The following SGCD variants were observed in gnomAD, a reference collection of about 807,000 sequenced individuals.
SGCD encodes the protein delta-sarcoglycan.
In SGCD, 18 loss-of-function variants were observed where a neutral mutation model predicts 36.6. The observed-to-expected ratio is 0.49, with a 90% confidence interval of 0.34 to 0.73. SGCD has a LOEUF of 0.73. Ranked by LOEUF, SGCD falls within the 30% of genes least tolerant of loss-of-function variation. The probability of loss-of-function intolerance (pLI) is 0.01; values close to 1 mark genes in which losing one functional copy is unlikely to be tolerated. For missense variants in SGCD, 387 were observed against 346.7 expected, an observed-to-expected ratio of 1.12 and a Z score of -0.92; for synonymous variants, 133 against 130.6, an observed-to-expected ratio of 1.02 and a Z score of -0.12.
intron 1 of SGCD, among the ~76,000 whole-genome samples, chr5:156,084,669 C>T (rs986653507): frequency 7.2e-5 from 11 of 152,110 alleles, no homozygotes; most frequent in African/African-American, 1.9e-4. Flanking sequence ...TCTTTCTCTT[C>T]GTTATGTCTG....
intron 7 of SGCD, chr5:156,739,817 C>T (rs574038961): frequency 6.6e-6 from 1 of 152,230 alleles, no homozygotes; most frequent in South Asian, 2.1e-4. Flanking sequence ...TGGTCTTGGC[C>T]ACAATGTTTG....
intron 1 of SGCD, among the ~76,000 whole-genome samples, chr5:156,044,207 A>G (rs529686903): frequency 1.1e-4 from 16 of 152,308 alleles, no homozygotes; most frequent in African/African-American, 3.1e-4. Context: ...AGAATGTAAC[A>G]TTTCAGGTAG....
intron 3 of SGCD, among the ~76,000 whole-genome samples, chr5:156,405,194 G>A (rs879252600): frequency 1.3e-5 from 2 of 152,266 alleles, no homozygotes; most frequent in Non-Finnish European, 2.9e-5. Context: ...AAGAGCCTCC[G>A]ACCTGGGGCA....
At chr5:156,102,750 T>C (rs1761549527) in intron 1 of SGCD, among the ~76,000 whole-genome samples, 1 of 152,226 alleles carries the variant, frequency 6.6e-6, no homozygotes, top group African/African-American at 2.4e-5. Context: ...TTATAGTTTA[T>C]ATAGGGTATT....
At position 156,656,423 on chromosome 5, in the gene SGCD, G is replaced by A. The variant is rs1031875075; in HGVS notation, c.575+8887G>A. ...GGTAAAGTTGCCCAAAGGAGATGGC[G>A]TTTTGATTGAAAGAAGAGAGAAGAG... On this transcript the variant is annotated intron_variant, in intron 7 of 8. Transcript: ENST00000337851. Among the ~76,000 whole-genome samples, 50 of 152,038 alleles carry A rather than the reference G, an allele frequency of 3.3e-4. 1 individual carries two copies. The highest frequency in any genetic ancestry group is 4.1e-4 in the South Asian group (2 of 4,820).
chr5:155,849,779 AAT>A, the SGCD span, among the ~76,000 whole-genome samples: 8 of 152,324 alleles, frequency 5.3e-5, no homozygotes, highest in Admixed American at 3.9e-4. Context: ...TAGATGTATT[AAT>A]AGACACCCCA....
chr5:156,149,333 A>G (rs1762778997), intron 3 of SGCD, among the ~76,000 whole-genome samples: 2 of 152,212 alleles, frequency 1.3e-5, no homozygotes, highest in South Asian at 4.1e-4. Context: ...CTATTGTGCT[A>G]TCAAATACTG....
intron 2 of SGCD, among the ~76,000 whole-genome samples, chr5:156,334,613 T>TTTTC (rs967976008): frequency 6.7e-6 from 1 of 148,786 alleles, no homozygotes; most frequent in Non-Finnish European, 1.5e-5. Flanking sequence ...TATTTTCTTT[T>TTTTC]TTTTTTTTTT....
intron 3 of SGCD, among the ~76,000 whole-genome samples, chr5:156,178,619 G>A (rs6860981): frequency 0.29 from 44,674 of 151,898 alleles, 7,004 homozygotes; most frequent in East Asian, 0.57. Context: ...TCTATAGAAC[G>A]ATGGCATTCT....
At position 156,484,601 on chromosome 5, in the gene SGCD, A is replaced by G. The variant is rs541776381; in HGVS notation, c.193-24000A>G. On this transcript the variant is annotated intron_variant, in intron 3 of 8. Coordinates refer to ENST00000337851, the MANE Select transcript of SGCD (RefSeq NM_000337.6). ...AACTGTACATTTTTTCAAGCTGTTC[A>G]TATTCCCCTCTTATCCGGATACTCG... is the stretch of plus-strand genomic sequence containing the variant. Among the ~76,000 whole-genome samples, 5 of 152,332 alleles carry G rather than the reference A, an allele frequency of 3.3e-5. No homozygotes were observed. The South Asian group carries it at 1.0e-3, about 32-fold the overall frequency.
intron 1 of SGCD, among the ~76,000 whole-genome samples, chr5:155,876,564 C>A (rs61045342): frequency 1.3e-5 from 2 of 151,842 alleles, no homozygotes; most frequent in African/African-American, 2.4e-5. Context: ...AACCTTTTGA[C>A]CTTAGAAGCA....
At chr5:155,746,914 C>T in the SGCD span, among the ~76,000 whole-genome samples, 1 of 152,044 alleles carries the variant, frequency 6.6e-6, no homozygotes, top group Admixed American at 6.6e-5. Flanking sequence ...TCAGCAATTA[C>T]TGGGTGTCTT....
the SGCD span, among the ~76,000 whole-genome samples, chr5:155,761,509 C>A: frequency 6.7e-6 from 1 of 149,136 alleles, no homozygotes; most frequent in African/African-American, 2.5e-5. Flanking sequence ...TCCTCTCCAT[C>A]ACCCTCTCCA....
intron 6 of SGCD, among the ~76,000 whole-genome samples, chr5:156,607,762 G>C (rs1051640900): frequency 6.6e-6 from 1 of 152,082 alleles, no homozygotes; most frequent in Non-Finnish European, 1.5e-5. Context: ...CTTCTTCCTG[G>C]TTTAGTCTTG....
chr5:155,884,434 A>G (rs1450894159), intron 1 of SGCD, among the ~76,000 whole-genome samples: 1 of 152,200 alleles, frequency 6.6e-6, no homozygotes, highest in Admixed American at 6.5e-5. Context: ...TTGGCTCATC[A>G]TCAAGCTTTC....
intron 3 of SGCD, among the ~76,000 whole-genome samples, chr5:156,209,905 T>A (rs1033066626): frequency 2.6e-5 from 4 of 152,148 alleles, no homozygotes; most frequent in African/African-American, 9.7e-5. Flanking sequence ...TGGGCCTCAG[T>A]GCCACTATTG....
At chr5:155,841,562 T>TG in the SGCD span, among the ~76,000 whole-genome samples, 3 of 152,122 alleles carry the variant, frequency 2.0e-5, no homozygotes, top group African/African-American at 7.2e-5. Context: ...TCTGCCATTT[T>TG]GGGGGGGTTG....
chr5:156,299,786 T>A lies in SGCD; in HGVS notation c.-43-29748T>A, dbSNP rs577635388. On this transcript the variant is annotated intron_variant, in intron 3 of 9. Transcript: ENST00000517913. ...GCTACTGATTTTTGTATGTTGATTG[T>A]ATATCCTGTAACTTTAATGCATTTG... Among the ~76,000 whole-genome samples the A allele has an allele frequency of 7.2e-5, 11 of 152,326 alleles. No individual in the cohort carries two copies. The South Asian group carries it at 2.3e-3, about 32-fold the overall frequency.
At chr5:156,316,100 GAACT>G (rs1021746698) in intron 3 of SGCD, among the ~76,000 whole-genome samples, 1 of 151,828 alleles carries the variant, frequency 6.6e-6, no homozygotes, top group African/African-American at 2.4e-5. Context: ...AAAACTGCTA[GAACT>G]AATAAATGAA....
Sources: allele counts gnomAD v4.1 joint callset (sites outside exome capture counted in the v4.1 genomes callset), GRCh38; gene constraint gnomAD v4.1.1; transcripts MANE v1.5; gene names NCBI Gene and HGNC (gene_info 2026-07-23, HGNC 2026-07-21).